The following MDM1 variants were observed in gnomAD, a reference collection of about 807,000 sequenced individuals.
MDM1 encodes stabilizer of axonemal microtubules 6, also known as Mdm1 nuclear protein.
MDM1 carries 61 observed loss-of-function variants against 89.1 expected under a neutral mutation model. That is an observed-to-expected ratio of 0.68 (90% CI 0.56 to 0.85). MDM1 has a LOEUF of 0.85. MDM1 is among the 40% of genes least tolerant of loss of function. The pLI is 0.00. For synonymous variants in MDM1, 290 were observed against 294.1 expected (o/e 0.99, Z 0.14); for missense variants, 820 against 846.5 (o/e 0.97, Z 0.39).
chr12:68,314,998 T>G lies in MDM1; in HGVS notation c.1479A>C (p.Gln493His). Residue 493 changes from glutamine to histidine, a missense_variant, in exon 10 of 15, where the codon CAA becomes CAC. By Grantham distance (24) the Gln-to-His change is conservative. Transcript: ENST00000682720. ...KTGKQAFMGE[Q>H]EKLDVREKSK... The stretch of plus-strand genomic sequence containing the variant: ...ATTTCTCACGTACATCCAACTTCTC[T>G]TGCTCTCCCATAAAAGCCTGCTTGC... 1 of 1,614,168 alleles carries G rather than the reference T, an allele frequency of 6.2e-7. No homozygotes were observed. The highest frequency in any genetic ancestry group is 8.5e-7 in the Non-Finnish European group (1 of 1,180,018).
At chr12:68,307,187 A>C (rs1181858981) in intron 12 of MDM1, among the ~76,000 whole-genome samples, 1 of 152,204 alleles carries the variant, frequency 6.6e-6, no homozygotes, top group Non-Finnish European at 1.5e-5. Context: ...AGCAACTACA[A>C]AAGGGGGAGA....
At chr12:68,295,517 T>C (rs1871258920) in intron 14 of MDM1, 151 bp from the exon 15 acceptor site, 1 of 546,902 alleles carries the variant, frequency 1.8e-6, no homozygotes, top group Non-Finnish European at 3.2e-6. Flanking sequence ...AAATGTAAGA[T>C]ACTAACACTC....
chr12:68,328,233 C>T (rs549646122), intron 2 of MDM1, among the ~76,000 whole-genome samples: 18 of 152,324 alleles, frequency 1.2e-4, no homozygotes, highest in Admixed American at 2.0e-4. Context: ...AACAAAGCAA[C>T]AGCATCTTAT....
intron 12 of MDM1, among the ~76,000 whole-genome samples, chr12:68,306,733 G>C (rs1872937278): frequency 6.6e-6 from 1 of 152,124 alleles, no homozygotes; most frequent in South Asian, 2.1e-4. Flanking sequence ...AAAAATAACA[G>C]ATGTTGGCAA....
Position 68,332,304 on chromosome 12 carries a change from G to T in MDM1, c.-59C>A. On this transcript the variant is annotated 5_prime_UTR_variant, in exon 1 of 15. Transcript: ENST00000682720. The stretch of plus-strand genomic sequence containing the variant: ...AGTTAACTGGAGAAAAAGCTCCGAG[G>T]GGGCGGGGCGATAACAGTGTTCCCT... 6.6e-7 allele frequency: 1 copy of T among 1,526,666 alleles called. No homozygotes were observed. Among genetic ancestry groups the T allele is most frequent in the Non-Finnish European group, 8.8e-7 (1 of 1,136,850 alleles). 94.6% of individuals were successfully genotyped at this position (1,526,666 alleles called of 1,614,324 possible). A position where few individuals can be genotyped will look rare whatever the true frequency, so the allele number is the denominator to read the frequency against.
At chr12:68,327,372 CTA>C in intron 2 of MDM1, 4 of 1,533,726 alleles carry the variant, frequency 2.6e-6, no homozygotes, top group Non-Finnish European at 3.5e-6. Flanking sequence ...CTTTCCTGTG[CTA>C]CTTAACAGAA....
rs780687268 is a variant in MDM1 at position 68,315,259 on chromosome 12, A to C, written c.1218T>G (p.Pro406=). The change falls in exon 10 of 15, where the codon CCT becomes CCG. Residue 406 remains proline (P), a synonymous_variant. Transcript: ENST00000682720. ...ATTTCTGCAAAGTCTTATGGCTTGTAGGATCTCTGCGTAACAAAATCAATT... is the reference window on the plus strand; with the variant it reads ...ATTTCTGCAAAGTCTTATGGCTTGTCGGATCTCTGCGTAACAAAATCAATT... ...NIRALDLAGD[P]TSHKTLQKCP... 19 of 1,611,178 alleles carry C rather than the reference A, an allele frequency of 1.2e-5. No homozygotes were observed. The highest frequency in any genetic ancestry group is 1.6e-5 in the Non-Finnish European group (19 of 1,178,142).
intron 12 of MDM1, 31 bp downstream of exon 12, chr12:68,313,412 T>G: frequency 2.3e-4 from 333 of 1,430,644 alleles, no homozygotes; most frequent in Middle Eastern, 3.6e-4. Context: ...TAGTCCTAGA[T>G]GAGATGCTTT....
At chr12:68,314,004 G>A (rs1003237670) in intron 10 of MDM1, among the ~76,000 whole-genome samples, 2 of 152,166 alleles carry the variant, frequency 1.3e-5, no homozygotes, top group East Asian at 1.9e-4. Flanking sequence ...GGGTGTGGTG[G>A]CGGGCACCTG....
At chr12:68,325,756 G>T in intron 3 of MDM1, 181 bp from the exon 4 acceptor site, 5 of 1,215,736 alleles carry the variant, frequency 4.1e-6, no homozygotes, top group Non-Finnish European at 4.1e-6. Context: ...CTTATAAATA[G>T]TATCTTTTTT....
intron 13 of MDM1, among the ~76,000 whole-genome samples, chr12:68,300,391 T>C (rs1005147930): frequency 4.6e-5 from 7 of 152,134 alleles, no homozygotes; most frequent in African/African-American, 1.7e-4. Flanking sequence ...AGATATGGAA[T>C]GGCAGAATGG....
intron 10 of MDM1, among the ~76,000 whole-genome samples, chr12:68,314,083 G>C (rs1250310933): frequency 6.8e-6 from 1 of 147,276 alleles, no homozygotes; most frequent in Non-Finnish European, 1.5e-5. Context: ...CTTGCAGTGA[G>C]CCGATATCGT....
At chr12:68,323,609 A>G (rs1875544561) in intron 4 of MDM1, among the ~76,000 whole-genome samples, 1 of 152,280 alleles carries the variant, frequency 6.6e-6, no homozygotes, top group South Asian at 2.1e-4. Flanking sequence ...ACATTTCTGA[A>G]TACCCAATAT....
chr12:68,302,528 G>C, intron 13 of MDM1, 92 bp downstream of exon 13: 1 of 1,122,608 alleles, frequency 8.9e-7, no homozygotes, highest in South Asian at 2.0e-5. Flanking sequence ...CTAAATAACT[G>C]ATTTATTAAC....
At chr12:68,305,918 CA>C (rs201926650) in intron 12 of MDM1, among the ~76,000 whole-genome samples, 1,916 of 38,064 alleles carry the variant, frequency 0.05, 19 homozygotes, top group African/African-American at 0.1. Context: ...CATAAGGAAG[CA>C]AAAAAAAAAA....
chr12:68,311,031 G>A (rs1425581181), intron 12 of MDM1, among the ~76,000 whole-genome samples: 1 of 151,956 alleles, frequency 6.6e-6, no homozygotes, highest in Non-Finnish European at 1.5e-5. Context: ...TCCATCCACC[G>A]ATCCTATCAC....
chr12:68,302,526 C>A, intron 13 of MDM1, 94 bp downstream of exon 13: 4 of 1,109,972 alleles, frequency 3.6e-6, no homozygotes, highest in East Asian at 5.4e-5. Flanking sequence ...TACTAAATAA[C>A]TGATTTATTA....
chr12:68,325,765 T>G (rs1875882559), intron 3 of MDM1, 190 bp from the exon 4 acceptor site: 2 of 1,233,530 alleles, frequency 1.6e-6, no homozygotes, highest in Non-Finnish European at 1.0e-6. Context: ...AGTATCTTTT[T>G]TCAAGTGTCA....
rs1873603095 is a variant in MDM1 at position 68,311,020 on chromosome 12, AT to A, written c.1749+2422del. On this transcript the variant is annotated intron_variant, in intron 12 of 14. Coordinates refer to ENST00000682720, the MANE Select transcript of MDM1 (RefSeq NM_001354969.2). Reference sequence around the variant, plus strand: ...ACAAGTCTTTTATTTTACCTAGACCATCCATCCACCGATCCTATCACCTCTG... The same window carrying A: ...ACAAGTCTTTTATTTTACCTAGACCACCATCCACCGATCCTATCACCTCTG... 2.0e-5 allele frequency among the ~76,000 whole-genome samples: 3 copies of A among 152,180 alleles called. No individual in the cohort carries two copies. The South Asian group carries it at 6.2e-4, about 32-fold the overall frequency.
Sources: allele counts gnomAD v4.1 joint callset (sites outside exome capture counted in the v4.1 genomes callset), GRCh38; gene constraint gnomAD v4.1.1; transcripts MANE v1.5; gene names NCBI Gene and HGNC (gene_info 2026-07-23, HGNC 2026-07-21).